The following CPSF3 variants were observed in gnomAD, a reference collection of about 807,000 sequenced individuals.
The protein encoded by CPSF3 is cleavage and polyadenylation specific factor 3, also known as cleavage and polyadenylation specificity factor subunit 3.
In CPSF3, 57 loss-of-function variants were observed where a neutral mutation model predicts 84.1. That is an observed-to-expected ratio of 0.68 (90% CI 0.55 to 0.85). The LOEUF (loss-of-function observed/expected upper bound fraction) is 0.85, where lower values mean the gene tolerates loss of function less well. Ranked by LOEUF, CPSF3 falls within the 40% of genes least tolerant of loss-of-function variation. The pLI, the probability that CPSF3 is intolerant of heterozygous loss-of-function variation, is 0.00. For synonymous variants in CPSF3, 275 were observed against 278.1 expected (o/e 0.99, Z 0.11); for missense variants, 522 against 838.8 (o/e 0.62, Z 4.66).
chr2:9,431,100 A>T (rs754073659), intron 4 of CPSF3, among the ~76,000 whole-genome samples: 3 of 152,224 alleles, frequency 2.0e-5, no homozygotes, highest in Non-Finnish European at 2.9e-5. Context: ...TCTGTCATCC[A>T]GGCTGGAGTG....
At chr2:9,448,964 G>A (rs1457034435) in intron 11 of CPSF3, among the ~76,000 whole-genome samples, 1 of 152,178 alleles carries the variant, frequency 6.6e-6, no homozygotes, top group African/African-American at 2.4e-5. Flanking sequence ...GTTTGTTACT[G>A]TAGCCAGTAT....
chr2:9,455,667 G>A lies in CPSF3; in HGVS notation c.1513G>A (p.Asp505Asn). 6.2e-7 allele frequency: 1 copy of A among 1,612,822 alleles called. No individual in the cohort carries two copies. Among genetic ancestry groups the A allele is most frequent in the Admixed American group, 1.7e-5 (1 of 59,974 alleles). The change falls in exon 13 of 18, where the codon GAC becomes AAC. Residue 505 changes from aspartate to asparagine, a missense_variant. By Grantham distance (23) the Asp-to-Asn change is conservative. Coordinates refer to ENST00000238112, the MANE Select transcript of CPSF3 (RefSeq NM_016207.4). ...TCTCATTTTCTCTTCAGATTATACT[G>A]ACCTGGCCATGAGCACGGTGAAGCA... ...LSPCDLSNYTDLAMSTVKQTQ... is the reference protein window; with the variant it reads ...LSPCDLSNYTNLAMSTVKQTQ...
At chr2:9,427,201 T>A (rs1177479831) in intron 1 of CPSF3, among the ~76,000 whole-genome samples, 1 of 152,124 alleles carries the variant, frequency 6.6e-6, no homozygotes, top group African/African-American at 2.4e-5. Flanking sequence ...TAGAGTAGAA[T>A]GGTGGAAAGT....
intron 15 of CPSF3, among the ~76,000 whole-genome samples, chr2:9,463,378 A>G (rs1478603576): frequency 6.6e-6 from 1 of 152,194 alleles, no homozygotes; most frequent in Non-Finnish European, 1.5e-5. Context: ...AGTGGCTCAG[A>G]TTAGGGTGGA....
At chr2:9,465,564 C>T (rs970194159) in intron 15 of CPSF3, among the ~76,000 whole-genome samples, 6 of 82,212 alleles carry the variant, frequency 7.3e-5, no homozygotes, top group African/African-American at 1.6e-4. Flanking sequence ...CACACACACA[C>T]GCGCGCGCGT....
chr2:9,442,457 C>T (rs1168307379), intron 9 of CPSF3, among the ~76,000 whole-genome samples: 1 of 152,198 alleles, frequency 6.6e-6, no homozygotes, highest in African/African-American at 2.4e-5. Context: ...ATCACATTCT[C>T]ATCCTCTATT....
chr2:9,427,756 T>TTGAG (rs980875506), intron 1 of CPSF3, among the ~76,000 whole-genome samples: 1 of 152,036 alleles, frequency 6.6e-6, no homozygotes, highest in Non-Finnish European at 1.5e-5. Context: ...CTGCTTAATG[T>TTGAG]TGAGTGAGTG....
rs111624327 is a variant in CPSF3, at chr2:9,450,558, C to T, written c.1395+2208C>T. Among the ~76,000 whole-genome samples the T allele has an allele frequency of 5.0e-3, 767 of 152,146 alleles. 1 individual carries two copies. The highest frequency in any genetic ancestry group is 0.018 in the African/African-American group (729 of 41,538). ...ATCCCAGGACTTTGGGAGGCTGAGG[C>T]GGACAAATCATCTGAGATCAGGAGT... is the stretch of plus-strand genomic sequence containing the variant. On this transcript the variant is annotated intron_variant, in intron 11 of 17. Coordinates refer to ENST00000238112, the MANE Select transcript of CPSF3 (RefSeq NM_016207.4).
At chr2:9,430,489 T>C (rs1200977755) in intron 3 of CPSF3, among the ~76,000 whole-genome samples, 1 of 152,204 alleles carries the variant, frequency 6.6e-6, no homozygotes, top group Non-Finnish European at 1.5e-5. Context: ...CTGCCAGGAG[T>C]AGGCTTGGGA....
intron 16 of CPSF3, 141 bp from the exon 17 acceptor site, chr2:9,471,202 A>C (rs111566644): frequency 4.3e-5 from 21 of 493,192 alleles, no homozygotes; most frequent in Middle Eastern, 6.0e-4. Context: ...CCACAGAGCA[A>C]GACTCCATCT....
intron 11 of CPSF3, among the ~76,000 whole-genome samples, chr2:9,448,708 C>G (rs915471190): frequency 6.6e-6 from 1 of 152,150 alleles, no homozygotes; most frequent in Non-Finnish European, 1.5e-5. Context: ...AGGTGCGCGC[C>G]ACCACGCCCA....
chr2:9,463,066 C>T (rs1216295660), intron 15 of CPSF3, among the ~76,000 whole-genome samples: 1 of 152,196 alleles, frequency 6.6e-6, no homozygotes, highest in Non-Finnish European at 1.5e-5. Flanking sequence ...TAGGAAACAT[C>T]AGTGAACAAA....
At position 9,466,362 on chromosome 2, in the gene CPSF3, ACG is replaced by A. The variant is rs201080418; in HGVS notation, c.1787-1343_1787-1342del. On this transcript the variant is annotated intron_variant, in intron 15 of 17. Coordinates refer to ENST00000238112, the MANE Select transcript of CPSF3 (RefSeq NM_016207.4). The stretch of plus-strand genomic sequence containing the variant: ...CACACGCGCGCGCGCGCACACACAC[ACG>A]CACACACCCACGCACTCGCACACAC... 7.3e-4 allele frequency among the ~76,000 whole-genome samples: 105 copies of A among 144,188 alleles called. No homozygotes were observed. The South Asian group carries it at 8.8e-3, about 12-fold the overall frequency. The allele number at this position is 144,188 out of a possible 152,430, so 94.6% of individuals were successfully genotyped here.
chr2:9,424,913 C>T (rs1680317467), intron 1 of CPSF3: 1 of 152,210 alleles, frequency 6.6e-6, no homozygotes, highest in African/African-American at 2.4e-5. Context: ...TCACTGAACC[C>T]GTTTTCTCAT....
intron 10 of CPSF3, among the ~76,000 whole-genome samples, chr2:9,446,101 C>T (rs1192555175): frequency 6.6e-6 from 1 of 152,210 alleles, no homozygotes; most frequent in Non-Finnish European, 1.5e-5. Flanking sequence ...GCAGTAAGCC[C>T]CTGCCACGTG....
chr2:9,452,445 T>C (rs1681366373), intron 11 of CPSF3, among the ~76,000 whole-genome samples: 1 of 152,220 alleles, frequency 6.6e-6, no homozygotes, highest in Non-Finnish European at 1.5e-5. Context: ...ACCCATAACC[T>C]GTTTTTATTG....
chr2:9,434,843 G>T (rs930944336), intron 6 of CPSF3, among the ~76,000 whole-genome samples: 1 of 152,146 alleles, frequency 6.6e-6, no homozygotes, highest in Non-Finnish European at 1.5e-5. Context: ...AGAACATCAG[G>T]TGTATGTGGT....
At chr2:9,466,254 ACACGCACACAAAGACGCACG>A (rs1553348492) in intron 15 of CPSF3, among the ~76,000 whole-genome samples, 32 of 117,448 alleles carry the variant, frequency 2.7e-4, no homozygotes, top group Admixed American at 7.4e-4. Context: ...GCACGCGCAC[ACACGCACACAAAGACGCACG>A]CACACACGTG....
rs759094677 is a variant in CPSF3, at chr2:9,443,616, C to A, written c.1197C>A (p.Tyr399Ter). ...DYISFSAHTD[Y>*]QQTSEFIRAL... ...TTTCTTTCTCAGCTCACACGGATTA[C>A]CAGCAAACCAGTGAATTTATTCGTG... Residue 399 changes from tyrosine to a stop codon, truncating the protein, a stop_gained, in exon 10 of 18, where the codon TAC becomes TAA. Transcript: ENST00000238112. LOFTEE classifies it high-confidence loss of function. The A allele has an allele frequency of 2.5e-5, 40 of 1,614,096 alleles. No individual in the cohort carries two copies. In the South Asian group the frequency reaches 4.3e-4, roughly 17 times the overall value.
Sources: gnomAD v4.1 joint callset for allele counts (sites outside exome capture counted in the v4.1 genomes callset) on GRCh38, gnomAD v4.1.1 for gene constraint, MANE v1.5 for transcripts, NCBI Gene and HGNC (gene_info 2026-07-23, HGNC 2026-07-21) for gene names.